Variants in CIMAP2 observed in about 807,000 individuals in gnomAD.
CIMAP2 encodes the protein ciliary microtubule-associated protein 2.
At chr1:54,841,405 G>A in the CIMAP2 span, among the ~76,000 whole-genome samples, 1 of 152,200 alleles carries the variant, frequency 6.6e-6, no homozygotes, top group Admixed American at 6.5e-5. Context: ...GGGAAAGTGG[G>A]ACTGAGGTCA....
the CIMAP2 span, among the ~76,000 whole-genome samples, chr1:54,817,724 A>AT: frequency 4.2e-4 from 63 of 150,020 alleles, no homozygotes; most frequent in Admixed American, 3.2e-3. Context: ...ATAATCCAGT[A>AT]TTTTTTTTTT....
At chr1:54,822,657 C>T in the CIMAP2 span, among the ~76,000 whole-genome samples, 1 of 152,148 alleles carries the variant, frequency 6.6e-6, no homozygotes, top group African/African-American at 2.4e-5. Context: ...GTGCACATCA[C>T]CATGCCCAAG....
At chr1:54,811,766 C>CCGGGGGGGGGGGGGGGGGGGG in the CIMAP2 span, 2 of 1,305,190 alleles carry the variant, frequency 1.5e-6, no homozygotes, top group Non-Finnish European at 1.1e-6. Flanking sequence ...GTTCTGACAG[C>CCGGGGGGGGGGGGGGGGGGGG]CTCCATGCCC....
chr1:54,826,932 T>C, the CIMAP2 span, among the ~76,000 whole-genome samples: 1 of 152,262 alleles, frequency 6.6e-6, no homozygotes, highest in Non-Finnish European at 1.5e-5. Flanking sequence ...TAGTCAGCCA[T>C]CTTGAAGCCC....
the CIMAP2 span, among the ~76,000 whole-genome samples, chr1:54,832,952 A>G: frequency 6.6e-6 from 1 of 151,956 alleles, no homozygotes; most frequent in Admixed American, 6.6e-5. Flanking sequence ...GCTTGAGCCT[A>G]GGAGGTTGAG....
chr1:54,811,765 G>GCGGGGGGGGGGGGGCC, the CIMAP2 span: 2 of 1,301,328 alleles, frequency 1.5e-6, no homozygotes, highest in Non-Finnish European at 2.2e-6. Flanking sequence ...GGTTCTGACA[G>GCGGGGGGGGGGGGGCC]CCTCCATGCC....
the CIMAP2 span, among the ~76,000 whole-genome samples, chr1:54,810,745 G>C: frequency 3.9e-5 from 6 of 152,162 alleles, no homozygotes; most frequent in African/African-American, 1.4e-4. Flanking sequence ...ACAAAATCAC[G>C]CTTCTGACCC....
the CIMAP2 span, among the ~76,000 whole-genome samples, chr1:54,821,771 C>T: frequency 6.6e-6 from 1 of 151,344 alleles, no homozygotes; most frequent in African/African-American, 2.4e-5. Context: ...GAATTCACTT[C>T]TCAGTTCTAA....
the CIMAP2 span, chr1:54,841,493 C>T: frequency 1.4e-6 from 2 of 1,477,682 alleles, no homozygotes; most frequent in South Asian, 1.3e-5. Flanking sequence ...CCTTGGTCTT[C>T]CTCTCAGGGT....
the CIMAP2 span, chr1:54,816,908 C>A: frequency 6.5e-7 from 1 of 1,536,602 alleles, no homozygotes; most frequent in Non-Finnish European, 8.9e-7. Context: ...AGTAGGGAAG[C>A]GTCCAAGGGG....
the CIMAP2 span, among the ~76,000 whole-genome samples, chr1:54,824,319 T>G: frequency 0.044 from 6,705 of 152,252 alleles, 423 homozygotes; most frequent in East Asian, 0.18. Flanking sequence ...TGAGCAACCA[T>G]GCCTGACCTG....
chr1:54,837,448 G>A, the CIMAP2 span, among the ~76,000 whole-genome samples: 1 of 152,144 alleles, frequency 6.6e-6, no homozygotes, highest in South Asian at 2.1e-4. Flanking sequence ...TGTAGAATGG[G>A]CACAATGAAG....
At chr1:54,813,893 T>C in the CIMAP2 span, 3 of 1,612,706 alleles carry the variant, frequency 1.9e-6, no homozygotes, top group Non-Finnish European at 2.5e-6. Flanking sequence ...AAGCATGGGG[T>C]TTTTTCTAAA....
At chr1:54,831,269 T>A in the CIMAP2 span, among the ~76,000 whole-genome samples, 1 of 152,148 alleles carries the variant, frequency 6.6e-6, no homozygotes, top group South Asian at 2.1e-4. Context: ...GCACAAATAT[T>A]GGGATATATA....
the CIMAP2 span, among the ~76,000 whole-genome samples, chr1:54,818,462 C>T: frequency 1.3e-5 from 2 of 151,744 alleles, no homozygotes; most frequent in South Asian, 4.2e-4. Context: ...TCCTTATCTA[C>T]CCTACTATTA....
At chr1:54,813,602 G>T in the CIMAP2 span, among the ~76,000 whole-genome samples, 1 of 152,248 alleles carries the variant, frequency 6.6e-6, no homozygotes, top group African/African-American at 2.4e-5. Flanking sequence ...GACTAACCCC[G>T]CCCCGACCCG....
the CIMAP2 span, chr1:54,813,892 G>GT: frequency 6.2e-7 from 1 of 1,613,824 alleles, no homozygotes. Flanking sequence ...GAAGCATGGG[G>GT]TTTTTTCTAA....
the CIMAP2 span, chr1:54,807,819 G>T: frequency 6.6e-7 from 1 of 1,521,126 alleles, no homozygotes; most frequent in Non-Finnish European, 8.8e-7. Flanking sequence ...ACACCATCGT[G>T]CCTTGGGCTT....
the CIMAP2 span, among the ~76,000 whole-genome samples, chr1:54,814,270 C>G: frequency 6.6e-6 from 1 of 152,224 alleles, no homozygotes. Context: ...CAGTGCCGAC[C>G]TTCCCCCTGC....
Sources: allele counts gnomAD v4.1 joint callset (sites outside exome capture counted in the v4.1 genomes callset), GRCh38; gene constraint gnomAD v4.1.1; transcripts MANE v1.5; gene names NCBI Gene and HGNC (gene_info 2026-07-23, HGNC 2026-07-21).